RORA: variants seen among roughly 807,000 people sequenced by gnomAD.
RORA encodes the protein RAR related orphan receptor A.
A neutral mutation model predicts 69.5 loss-of-function variants in RORA; 7 were observed. The observed-to-expected ratio is 0.10, with a 90% CI of 0.06 to 0.19. The LOEUF (loss-of-function observed/expected upper bound fraction) is 0.19, where lower values mean the gene tolerates loss of function less well. Among genes scored for constraint, RORA ranks in the 10% least tolerant of loss-of-function variants. The probability of loss-of-function intolerance (pLI) is 1.00; values close to 1 mark genes in which losing one functional copy is unlikely to be tolerated. For missense variants in RORA, 457 were observed against 663.0 expected, an observed-to-expected ratio of 0.69 and a Z score of 3.41; for synonymous variants, 261 against 240.8, an observed-to-expected ratio of 1.08 and a Z score of -0.78.
chr15:60,791,207 G>C (rs1282599372), intron 1 of RORA, among the ~76,000 whole-genome samples: 2 of 152,208 alleles, frequency 1.3e-5, no homozygotes, highest in African/African-American at 2.4e-5. Context: ...AACTTCCCTA[G>C]GTCATCTCAT....
At chr15:60,698,231 A>C (rs1034591476) in intron 1 of RORA, among the ~76,000 whole-genome samples, 2 of 152,096 alleles carry the variant, frequency 1.3e-5, no homozygotes, top group African/African-American at 4.8e-5. Context: ...ATGCTGTGGG[A>C]GTGTGCAGGC....
At chr15:61,023,347 C>T (rs1895641805) in intron 1 of RORA, among the ~76,000 whole-genome samples, 2 of 151,996 alleles carry the variant, frequency 1.3e-5, no homozygotes, top group South Asian at 2.1e-4. Context: ...AGGCAAAAGA[C>T]ACTTCTTACA....
chr15:60,537,427 C>G lies in RORA; in HGVS notation c.197-5576G>C, dbSNP rs1002340644. Among the ~76,000 whole-genome samples, 32 of 151,548 alleles carry G rather than the reference C, an allele frequency of 2.1e-4. No individual in the cohort carries two copies. The highest frequency in any genetic ancestry group is 7.6e-4 in the African/African-American group (31 of 40,864). ...GACAAGCTCCCTTTTTTCAAACCCT[C>G]CTTCCAGGGGTAGTGCCCCTTCTCT... On this transcript the variant is annotated intron_variant, in intron 2 of 10. Coordinates refer to ENST00000335670, the MANE Select transcript of RORA (RefSeq NM_134261.3). This position sits in a 1 kb window ranked among gnomAD's most constrained non-coding sequence, Gnocchi z 4.9.
At chr15:60,674,938 G>A (rs1228055750) in intron 2 of RORA, among the ~76,000 whole-genome samples, 1 of 152,140 alleles carries the variant, frequency 6.6e-6, no homozygotes, top group Non-Finnish European at 1.5e-5. Flanking sequence ...GAAGGAAGCA[G>A]CAATGGTCTG....
At chr15:60,702,948 A>G (rs1260747278) in intron 1 of RORA, among the ~76,000 whole-genome samples, 2 of 152,146 alleles carry the variant, frequency 1.3e-5, no homozygotes, top group African/African-American at 4.8e-5. Context: ...CTTGACCTCT[A>G]TCCATAAACA....
chr15:60,857,701 A>G (rs988801791), intron 1 of RORA, among the ~76,000 whole-genome samples: 2 of 152,144 alleles, frequency 1.3e-5, no homozygotes, highest in African/African-American at 2.4e-5. Context: ...CGTGTAACCA[A>G]CTCCAGAGTG....
rs72752757 is a variant in RORA at position 60,921,865 on chromosome 15, T to A, written c.167-243179A>T. ...AACACCTAGCACTGAACCTCACACA[T>A]GGTAGGTGCTCAATATATGGTCATT... On this transcript the variant is annotated intron_variant, in intron 1 of 10. Transcript: ENST00000335670. Among the ~76,000 whole-genome samples, 644 of 152,282 alleles carry A rather than the reference T, an allele frequency of 4.2e-3. 2 individuals are homozygous for A. Among genetic ancestry groups the A allele is most frequent in the Non-Finnish European group, 6.6e-3 (452 of 68,012 alleles).
At chr15:60,500,093 T>C (rs1005738023) in intron 9 of RORA, 89 bp from the exon 10 acceptor site, 11 of 771,602 alleles carry the variant, frequency 1.4e-5, no homozygotes, top group African/African-American at 7.0e-5. Flanking sequence ...CGGATAATTA[T>C]ATCACAATGA....
At chr15:60,934,341 C>G (rs1189762033) in intron 1 of RORA, among the ~76,000 whole-genome samples, 3 of 152,106 alleles carry the variant, frequency 2.0e-5, no homozygotes, top group Non-Finnish European at 4.4e-5. Context: ...GACCAGTATT[C>G]TCAAACTTTA....
chr15:60,782,903 T>C (rs918774456), intron 1 of RORA, among the ~76,000 whole-genome samples: 1 of 152,200 alleles, frequency 6.6e-6, no homozygotes, highest in Non-Finnish European at 1.5e-5. Flanking sequence ...TAATTCTTCT[T>C]GAAAGAAATA....
chr15:60,503,417 T>G, intron 7 of RORA, 118 bp downstream of exon 7: 30 of 914,558 alleles, frequency 3.3e-5, no homozygotes, highest in Middle Eastern at 2.7e-4. Flanking sequence ...AAGAAAAACC[T>G]GAGCTATTAT....
At chr15:61,143,937 C>T (rs549467240) in intron 1 of RORA, among the ~76,000 whole-genome samples, 6 of 152,198 alleles carry the variant, frequency 3.9e-5, no homozygotes, top group African/African-American at 9.6e-5. Flanking sequence ...ACATTGCATT[C>T]GAAATTTCTG....
intron 1 of RORA, among the ~76,000 whole-genome samples, chr15:60,966,757 G>A (rs1893564308): frequency 6.6e-6 from 1 of 152,206 alleles, no homozygotes; most frequent in Non-Finnish European, 1.5e-5. Context: ...GTAAACACAT[G>A]CTAGCAACAA....
chr15:60,895,135 C>T (rs933897211), intron 1 of RORA, among the ~76,000 whole-genome samples: 10 of 152,242 alleles, frequency 6.6e-5, no homozygotes, highest in Admixed American at 5.9e-4. Context: ...TTTCCACAAG[C>T]TCAAGTCAAA....
At chr15:61,036,429 A>C (rs556270885) in intron 1 of RORA, among the ~76,000 whole-genome samples, 1 of 152,330 alleles carries the variant, frequency 6.6e-6, no homozygotes, top group Non-Finnish European at 1.5e-5. Flanking sequence ...GCTTAAGTGC[A>C]AGGCAATGGG....
At chr15:61,051,264 T>C (rs1056724228) in intron 1 of RORA, among the ~76,000 whole-genome samples, 22 of 152,188 alleles carry the variant, frequency 1.4e-4, no homozygotes, top group African/African-American at 5.1e-4. Context: ...TTGACAAATA[T>C]GTACATTTTG....
intron 1 of RORA, among the ~76,000 whole-genome samples, chr15:61,150,634 G>GT (rs1274222370): frequency 6.6e-6 from 1 of 152,066 alleles, no homozygotes; most frequent in Non-Finnish European, 1.5e-5. Flanking sequence ...AAGATTCAAG[G>GT]TTTTCGCTGA....
Position 60,721,498 on chromosome 15 carries a change from C to T in RORA, c.167-42812G>A, listed in dbSNP as rs1006066723. On this transcript the variant is annotated intron_variant, in intron 1 of 10. Transcript: ENST00000335670. ...CATTATTTAAGTATATATTTATTTA[C>T]TCATACAGACCAGATTTGTTGAGTA... Among the ~76,000 whole-genome samples, 8 of 152,202 alleles carry T rather than the reference C, an allele frequency of 5.3e-5. No individual in the cohort carries two copies. In the South Asian group the frequency reaches 8.3e-4, roughly 16 times the overall value.
chr15:61,019,678 T>C (rs1440248264), intron 1 of RORA, among the ~76,000 whole-genome samples: 1 of 152,164 alleles, frequency 6.6e-6, no homozygotes, highest in African/African-American at 2.4e-5. Flanking sequence ...ACCATTCAGC[T>C]ACTTCAAGTC....
Sources: gnomAD v4.1 joint callset for allele counts (sites outside exome capture counted in the v4.1 genomes callset) on GRCh38, gnomAD v4.1.1 for gene constraint, Gnocchi (gnomAD v3.1) non-coding constraint, MANE v1.5 for transcripts, NCBI Gene and HGNC (gene_info 2026-07-23, HGNC 2026-07-21) for gene names.